FAM168A: variants seen among roughly 807,000 people sequenced by gnomAD.
FAM168A encodes the protein protein FAM168A.
A neutral mutation model predicts 28.5 loss-of-function variants in FAM168A; 3 were observed. That is an observed-to-expected ratio of 0.11 (90% CI 0.05 to 0.27). The LOEUF (loss-of-function observed/expected upper bound fraction) is 0.27. Ranked by LOEUF, FAM168A falls within the 10% of genes least tolerant of loss-of-function variation. FAM168A has a pLI of 1.00. For missense variants in FAM168A, 222 were observed against 311.5 expected (o/e 0.71, Z 2.16); for synonymous variants, 122 against 124.2 (o/e 0.98, Z 0.12).
chr11:73,535,925 G>GC (rs1457264923), intron 1 of FAM168A, among the ~76,000 whole-genome samples: 1 of 150,586 alleles, frequency 6.6e-6, no homozygotes, highest in Admixed American at 6.6e-5. Flanking sequence ...GCTCACTGCA[G>GC]CCCCAACCTC....
At chr11:73,453,757 T>G (rs1279961971) in intron 2 of FAM168A, among the ~76,000 whole-genome samples, 1 of 152,182 alleles carries the variant, frequency 6.6e-6, no homozygotes, top group Admixed American at 6.5e-5. Flanking sequence ...CTCTCCCCAC[T>G]ACATTACGCA....
intron 1 of FAM168A, among the ~76,000 whole-genome samples, chr11:73,514,315 G>A (rs949339841): frequency 2.6e-5 from 4 of 152,032 alleles, no homozygotes; most frequent in Admixed American, 2.0e-4. Context: ...ATATATAAAC[G>A]CACCTGGCAT....
At position 73,509,032 on chromosome 11, in the gene FAM168A, C is replaced by A. The variant is rs528953539; in HGVS notation, c.-18-40540G>T. Among the ~76,000 whole-genome samples the A allele has an allele frequency of 6.6e-4, 100 of 152,328 alleles. 2 individuals carry two copies. The South Asian group carries it at 0.02, about 30-fold the overall frequency. On this transcript the variant is annotated intron_variant, in intron 1 of 7. Transcript: ENST00000356467. ...TTTGCCTTCCGCCATGACTGTGAGG[C>A]CTTCTCAATCATGTGGAACTGTGAG... is the stretch of plus-strand genomic sequence containing the variant.
chr11:73,492,223 G>T (rs1181419876), intron 1 of FAM168A, among the ~76,000 whole-genome samples: 2 of 152,088 alleles, frequency 1.3e-5, no homozygotes, highest in Non-Finnish European at 2.9e-5. Context: ...GCTGAGGCAA[G>T]AACGAAAGAT....
intron 1 of FAM168A, among the ~76,000 whole-genome samples, chr11:73,550,061 C>T (rs533974367): frequency 1.2e-4 from 19 of 152,150 alleles, no homozygotes; most frequent in Non-Finnish European, 2.2e-4. Flanking sequence ...GTTTCATACG[C>T]TATGAATAAA....
At chr11:73,484,846 C>T (rs1453764051) in intron 1 of FAM168A, among the ~76,000 whole-genome samples, 1 of 151,642 alleles carries the variant, frequency 6.6e-6, no homozygotes, top group Non-Finnish European at 1.5e-5. Flanking sequence ...CAGTCCAAGT[C>T]CCAAGCTGAA....
intron 1 of FAM168A, among the ~76,000 whole-genome samples, chr11:73,588,643 T>A (rs1944345402): frequency 6.6e-6 from 1 of 152,086 alleles, no homozygotes; most frequent in Non-Finnish European, 1.5e-5. Flanking sequence ...GAGGCCAAAG[T>A]GAGTCGTGAA....
chr11:73,544,670 ATAATTATATATAATTATATATTTTATATG>A (rs1413418014), intron 1 of FAM168A, among the ~76,000 whole-genome samples: 1,430 of 124,992 alleles, frequency 0.011, 145 homozygotes, highest in Middle Eastern at 0.015. Context: ...TATATTATAT[ATAATTATATATAATTATATATTTTATATG>A]TAATTATATA....
chr11:73,490,827 T>C (rs540305713), intron 1 of FAM168A, among the ~76,000 whole-genome samples: 2 of 152,304 alleles, frequency 1.3e-5, no homozygotes, highest in African/African-American at 4.8e-5. Flanking sequence ...TTTTTTATCT[T>C]GTTGTATGTC....
intron 1 of FAM168A, among the ~76,000 whole-genome samples, chr11:73,589,624 T>C (rs1258766886): frequency 6.6e-6 from 1 of 152,124 alleles, no homozygotes; most frequent in Non-Finnish European, 1.5e-5. Context: ...TATCCACAAT[T>C]ATATAAAAAC....
intron 1 of FAM168A, among the ~76,000 whole-genome samples, chr11:73,567,346 G>A (rs578101709): frequency 2.6e-4 from 40 of 152,214 alleles, no homozygotes; most frequent in African/African-American, 9.4e-4. Context: ...AAAGGATAAC[G>A]AGTTCGGTTT....
intron 1 of FAM168A, among the ~76,000 whole-genome samples, chr11:73,547,863 A>AG (rs1471590879): frequency 6.6e-6 from 1 of 151,788 alleles, no homozygotes; most frequent in Non-Finnish European, 1.5e-5. Flanking sequence ...AAAAAAAAAA[A>AG]CACATGGTAT....
intron 1 of FAM168A, among the ~76,000 whole-genome samples, chr11:73,469,843 TA>T (rs1867788582): frequency 6.6e-6 from 1 of 152,194 alleles, no homozygotes; most frequent in Non-Finnish European, 1.5e-5. Context: ...ACTCTCTCTC[TA>T]AATAAAAGCA....
intron 1 of FAM168A, among the ~76,000 whole-genome samples, chr11:73,558,262 A>G (rs1226113081): frequency 1.3e-5 from 2 of 152,108 alleles, no homozygotes; most frequent in African/African-American, 2.4e-5. Context: ...TAGGAATTCA[A>G]CATCAGCTTG....
intron 2 of FAM168A, among the ~76,000 whole-genome samples, chr11:73,445,419 C>CTCTCTCTTTTTT (rs776745757): frequency 1.6e-4 from 8 of 50,458 alleles, no homozygotes; most frequent in African/African-American, 5.7e-4. Flanking sequence ...AAAAATGTCT[C>CTCTCTCTTTTTT]TTTTTTTTTT....
At chr11:73,505,104 C>T (rs1420850799) in intron 1 of FAM168A, among the ~76,000 whole-genome samples, 2 of 151,562 alleles carry the variant, frequency 1.3e-5, no homozygotes, top group Non-Finnish European at 1.5e-5. Context: ...GCACGTTCTG[C>T]ACATGTATCC....
chr11:73,489,999 G>A (rs1460588517), intron 1 of FAM168A, among the ~76,000 whole-genome samples: 1 of 151,926 alleles, frequency 6.6e-6, no homozygotes, highest in Non-Finnish European at 1.5e-5. Context: ...TTATCTAATT[G>A]CATAACCAAA....
chr11:73,557,830 T>C (rs1195571766), intron 1 of FAM168A, among the ~76,000 whole-genome samples: 1 of 152,178 alleles, frequency 6.6e-6, no homozygotes, highest in Non-Finnish European at 1.5e-5. Context: ...TATAGACCAA[T>C]GGAACAGAAT....
chr11:73,508,094 A>G (rs1855150721), intron 1 of FAM168A, among the ~76,000 whole-genome samples: 1 of 152,312 alleles, frequency 6.6e-6, no homozygotes, highest in Middle Eastern at 3.4e-3. Flanking sequence ...TTAAGTGGTG[A>G]TAATAACATT....
Sources: gnomAD v4.1 joint callset for allele counts (sites outside exome capture counted in the v4.1 genomes callset) on GRCh38, gnomAD v4.1.1 for gene constraint, MANE v1.5 for transcripts, NCBI Gene and HGNC (gene_info 2026-07-23, HGNC 2026-07-21) for gene names.